PARP4: variants seen among roughly 807,000 people sequenced by gnomAD.
PARP4 encodes poly(ADP-ribose) polymerase family member 4, also known as protein mono-ADP-ribosyltransferase PARP4.
Under a neutral mutation model 187.7 loss-of-function variants are expected in PARP4, and 120 were observed. The observed-to-expected ratio is 0.64, with a 90% CI of 0.55 to 0.74. The LOEUF (loss-of-function observed/expected upper bound fraction) is 0.74. Among genes scored for constraint, PARP4 ranks in the 30% least tolerant of loss-of-function variants. The pLI, the probability that PARP4 is intolerant of heterozygous loss-of-function variation, is 0.00. For synonymous variants in PARP4, 654 were observed against 740.9 expected (o/e 0.88, Z 1.90); for missense variants, 1,836 against 2,070.5 (o/e 0.89, Z 2.20).
intron 16 of PARP4, 27 bp from the exon 17 acceptor site, chr13:24,469,137 C>T: frequency 6.9e-7 from 1 of 1,449,926 alleles, no homozygotes; most frequent in Admixed American, 1.7e-5. Context: ...TTAAATCATT[C>T]CTTACATGAA....
chr13:24,494,530 A>C, intron 7 of PARP4, 43 bp downstream of exon 7: 3 of 1,528,464 alleles, frequency 2.0e-6, no homozygotes, highest in Non-Finnish European at 1.8e-6. Flanking sequence ...ATTTCTATTA[A>C]AAATATTCAA....
chr13:24,494,491 C>T (rs1868832123), intron 7 of PARP4, 82 bp downstream of exon 7: 3 of 1,286,116 alleles, frequency 2.3e-6, no homozygotes, highest in Non-Finnish European at 3.3e-6. Flanking sequence ...CGAAGCCTGG[C>T]CCAGTCTTTT....
Position 24,492,511 on chromosome 13 carries a change from C to T in PARP4, c.963G>A (p.Met321Ile). Residue 321 changes from methionine (M) to isoleucine (I), a missense_variant, in exon 9 of 34, where the codon ATG (methionine) becomes ATA (isoleucine). This residue lies in a region of PARP4 where 1,147 missense variants were observed against 1,214.2 expected (regional missense o/e 0.94). Coordinates refer to ENST00000381989, the MANE Select transcript of PARP4 (RefSeq NM_006437.4). Reference sequence around the variant, plus strand: ...GAGGTATCAGTCTGTAAAACTCTGTCATCATCTTTTGCAATTGCTCTGCTG... The same window carrying T: ...GAGGTATCAGTCTGTAAAACTCTGTTATCATCTTTTGCAATTGCTCTGCTG... ...GETAEQLQKM[M>I]TEFYRLIPHK... 1.2e-6 allele frequency: 2 copies of T among 1,613,974 alleles called. No individual in the cohort carries two copies. The highest frequency in any genetic ancestry group is 1.7e-6 in the Non-Finnish European group (2 of 1,179,838).
chr13:24,480,654 C>T (rs1054738572), intron 12 of PARP4, among the ~76,000 whole-genome samples: 1 of 152,202 alleles, frequency 6.6e-6, no homozygotes, highest in African/African-American at 2.4e-5. Flanking sequence ...ATCAAACCAG[C>T]CACAGCATTC....
In PARP4 at chr13:24,460,120, CT is replaced by C. The variant is rs1262592072; in HGVS notation, c.2149del (p.Ser717ValfsTer13). On this transcript the variant is annotated frameshift_variant, in exon 18 of 34. Transcript: ENST00000381989. LOFTEE classifies it high-confidence loss of function. ...SQDAPDVFTV[S>X]VGNLPPKAKV... ...AGCCTTAGGGGGTAAGTTTCCAACA[CT>C]TACAGTAAAAACGTCCTGAAACAGA... 13 of 1,612,552 alleles carry C rather than the reference CT, an allele frequency of 8.1e-6. No individual in the cohort carries two copies. The highest frequency in any genetic ancestry group is 1.1e-5 in the Non-Finnish European group (13 of 1,179,564).
chr13:24,452,458 G>C lies in PARP4; in HGVS notation c.2962C>G (p.Gln988Glu). 6.2e-7 allele frequency: 1 copy of C among 1,614,068 alleles called. No individual in the cohort carries two copies. Among genetic ancestry groups the C allele is most frequent in the Non-Finnish European group, 8.5e-7 (1 of 1,179,978 alleles). Reference sequence around the variant, plus strand: ...TGCGGGCGGCTCCTCTTCACGAGCTGTAATGTCAGGCTCTCATCCTGGAGG... The same window carrying C: ...TGCGGGCGGCTCCTCTTCACGAGCTCTAATGTCAGGCTCTCATCCTGGAGG... ...GHLQDESLTLQLVKRSRPHTR... is the reference protein window; with the variant it reads ...GHLQDESLTLELVKRSRPHTR... Residue 988 changes from glutamine to glutamate, a missense_variant, in exon 24 of 34, where the codon CAG becomes GAG. Physicochemically the swap from Gln to Glu is conservative, Grantham distance 29. Around this residue, in one of 8 missense-constraint regions of PARP4, gnomAD observed 1,147 missense variants for 1,214.2 expected, o/e 0.94. Transcript: ENST00000381989.
intron 17 of PARP4, among the ~76,000 whole-genome samples, chr13:24,467,752 A>G (rs1253611026): frequency 6.6e-6 from 1 of 152,206 alleles, no homozygotes; most frequent in African/African-American, 2.4e-5. Flanking sequence ...ACCTTCTGTG[A>G]AGGCTGTTTT....
chr13:24,494,860 TTC>T (rs1474642805), intron 6 of PARP4, 138 bp from the exon 7 acceptor site: 5 of 577,914 alleles, frequency 8.7e-6, no homozygotes, highest in African/African-American at 7.9e-5. Context: ...AAATTTTAAA[TTC>T]TTTTTCTTTT....
intron 14 of PARP4, among the ~76,000 whole-genome samples, chr13:24,476,514 T>C (rs1872995977): frequency 6.6e-6 from 1 of 152,182 alleles, no homozygotes. Context: ...CAAGGAAGAC[T>C]GAATCAACTC....
chr13:24,442,096 G>T (rs1280426813), intron 29 of PARP4, 128 bp from the exon 30 acceptor site: 3 of 1,150,880 alleles, frequency 2.6e-6, no homozygotes, highest in Non-Finnish European at 3.5e-6. Flanking sequence ...TTGTGCCGTG[G>T]GCCACAAGCG....
chr13:24,465,212 T>C (rs1158987212), intron 17 of PARP4, among the ~76,000 whole-genome samples: 1 of 152,152 alleles, frequency 6.6e-6, no homozygotes, highest in African/African-American at 2.4e-5. Context: ...AGTTCAACCA[T>C]TGTGGAAGAC....
chr13:24,490,684 A>G lies in PARP4; in HGVS notation c.1198T>C (p.Leu400=). 2 of 1,613,628 alleles carry G rather than the reference A, an allele frequency of 1.2e-6. No individual in the cohort carries two copies. Among genetic ancestry groups the G allele is most frequent in the Non-Finnish European group, 1.7e-6 (2 of 1,179,672 alleles). Residue 400 remains leucine (L), a synonymous_variant, in exon 10 of 34, where the codon TTG becomes CTG. Coordinates refer to ENST00000381989, the MANE Select transcript of PARP4 (RefSeq NM_006437.4). ...EEFLRVRKEV[L]QNHHSKSPVD... ...TATGCTTACCTGTGATGATTCTGCAAAACCTCTTTTCTAACCCTGAGAAAT... is the reference window on the plus strand; with the variant it reads ...TATGCTTACCTGTGATGATTCTGCAGAACCTCTTTTCTAACCCTGAGAAAT...
chr13:24,481,009 GA>G (rs1164190283), intron 12 of PARP4, among the ~76,000 whole-genome samples: 1 of 152,254 alleles, frequency 6.6e-6, no homozygotes, highest in African/African-American at 2.4e-5. Context: ...CAAAGCTTCA[GA>G]CGACAGGCTG....
chr13:24,452,999 A>G (rs1360207355), intron 23 of PARP4, among the ~76,000 whole-genome samples: 1 of 152,056 alleles, frequency 6.6e-6, no homozygotes, highest in Non-Finnish European at 1.5e-5. Context: ...CAGTGGCACA[A>G]TCTCGGCTCA....
chr13:24,463,539 C>A, intron 17 of PARP4, among the ~76,000 whole-genome samples: 1 of 152,100 alleles, frequency 6.6e-6, no homozygotes, highest in East Asian at 1.9e-4. Context: ...GAACTAAAGA[C>A]AAAAGCCACA....
chr13:24,501,774 G>A lies in PARP4; in HGVS notation c.193C>T (p.Gln65Ter), dbSNP rs201797366. 9 of 1,612,362 alleles carry A rather than the reference G, an allele frequency of 5.6e-6. No homozygotes were observed. The highest frequency in any genetic ancestry group is 7.6e-6 in the Non-Finnish European group (9 of 1,178,670). Residue 65 changes from glutamine to a stop codon, truncating the protein, a stop_gained, in exon 3 of 34, where the codon CAA (glutamine) becomes TAA (stop). Transcript: ENST00000381989. LOFTEE classifies it high-confidence loss of function. The stretch of plus-strand genomic sequence containing the variant: ...TTTGCAATATGAACGTGGTTCTTTT[G>A]GATAGAATTCAGTTGGTACTGACTC... ...VLSQYQLNSIQKNHVHIANPD... is the reference protein window; with the variant it reads ...VLSQYQLNSI
chr13:24,510,247 T>C (rs1052007591), intron 1 of PARP4, among the ~76,000 whole-genome samples: 3 of 152,128 alleles, frequency 2.0e-5, no homozygotes, highest in African/African-American at 7.2e-5. Context: ...CATCAGATAC[T>C]TGGTTACTTA....
At chr13:24,496,998 G>A (rs1868993671) in intron 6 of PARP4, among the ~76,000 whole-genome samples, 2 of 152,110 alleles carry the variant, frequency 1.3e-5, no homozygotes, top group African/African-American at 2.4e-5. Flanking sequence ...ACTCCAGCAT[G>A]GGCAACAGAG....
rs9581088 is a variant in PARP4 at position 24,500,270 on chromosome 13, T to C, written c.401+46A>G. ...ACTGTGCTTGAGGTTTACACAAGAT[T>C]TTACAAACTCTGTAGAGTCCCAGGA... is the stretch of plus-strand genomic sequence containing the variant. On this transcript the variant is annotated intron_variant, in intron 4 of 33. Transcript: ENST00000381989. 0.099 allele frequency: 113,756 copies of C among 1,153,460 alleles called. 6,043 individuals carry two copies. The highest frequency in any genetic ancestry group is 0.12 in the Middle Eastern group (588 of 4,978). The allele number at this position is 1,153,460 out of a possible 1,614,324, so 71.5% of individuals were successfully genotyped here. A position where few individuals can be genotyped will look rare whatever the true frequency, so the allele number is the denominator to read the frequency against.
Sources: gnomAD v4.1 joint callset for allele counts (sites outside exome capture counted in the v4.1 genomes callset) on GRCh38, gnomAD v4.1.1 for gene constraint, gnomAD v4.1.1 regional missense constraint, MANE v1.5 for transcripts, NCBI Gene and HGNC (gene_info 2026-07-23, HGNC 2026-07-21) for gene names.